DLGAP1: variants seen among roughly 807,000 people sequenced by gnomAD.
DLGAP1 encodes the protein DLG associated protein 1, also known as disks large-associated protein 1.
Under a neutral mutation model 90.8 loss-of-function variants are expected in DLGAP1, and 11 were observed. That is an observed-to-expected ratio of 0.12 (90% CI 0.08 to 0.20). DLGAP1 has a LOEUF of 0.20. Ranked by LOEUF, DLGAP1 falls within the 10% of genes least tolerant of loss-of-function variation. DLGAP1 has a pLI of 1.00. For missense variants in DLGAP1, 1,050 were observed against 1,333.8 expected (o/e 0.79, Z 3.31); for synonymous variants, 558 against 540.7 (o/e 1.03, Z -0.44).
chr18:3,605,043 G>T (rs571882893), intron 7 of DLGAP1, among the ~76,000 whole-genome samples: 1 of 152,164 alleles, frequency 6.6e-6, no homozygotes, highest in African/African-American at 2.4e-5. Context: ...TGTACACTTA[G>T]AGGAAGAGTG....
chr18:3,587,536 A>G (rs1279094129), intron 7 of DLGAP1, among the ~76,000 whole-genome samples: 2 of 152,234 alleles, frequency 1.3e-5, no homozygotes, highest in African/African-American at 4.8e-5. Context: ...ATCAATCAGC[A>G]GGACGTGGGC....
chr18:3,506,711 T>C (rs2050248328), intron 11 of DLGAP1, among the ~76,000 whole-genome samples: 1 of 152,156 alleles, frequency 6.6e-6, no homozygotes, highest in African/African-American at 2.4e-5. Context: ...CGTGTACACA[T>C]GGACTTCCTT....
intron 1 of DLGAP1, among the ~76,000 whole-genome samples, chr18:4,276,411 G>A (rs538838512): frequency 3.9e-5 from 6 of 152,034 alleles, no homozygotes; most frequent in Admixed American, 6.5e-5. Flanking sequence ...TGAGGCAGGC[G>A]GATCACTCGA....
chr18:3,556,983 G>C (rs1004218573), intron 9 of DLGAP1, among the ~76,000 whole-genome samples: 1 of 152,016 alleles, frequency 6.6e-6, no homozygotes, highest in East Asian at 1.9e-4. Flanking sequence ...TTTTTTCAGA[G>C]TCAGGTTTTG....
chr18:3,925,528 T>C (rs1240825214), intron 3 of DLGAP1, among the ~76,000 whole-genome samples: 1 of 152,108 alleles, frequency 6.6e-6, no homozygotes, highest in Non-Finnish European at 1.5e-5. Context: ...CATAACCTCA[T>C]ATTTTCAGGA....
At chr18:3,799,477 T>C (rs888950011) in intron 5 of DLGAP1, among the ~76,000 whole-genome samples, 2 of 149,610 alleles carry the variant, frequency 1.3e-5, no homozygotes, top group African/African-American at 4.9e-5. Context: ...TGTTGTACCA[T>C]GTCACTTAAA....
chr18:3,503,982 G>C (rs910119393), intron 11 of DLGAP1, among the ~76,000 whole-genome samples: 4 of 152,190 alleles, frequency 2.6e-5, no homozygotes, highest in Non-Finnish European at 5.9e-5. Flanking sequence ...TGTAATCCCA[G>C]CTGCTCAGGA....
At chr18:3,703,850 C>T (rs889505783) in intron 7 of DLGAP1, among the ~76,000 whole-genome samples, 5 of 152,128 alleles carry the variant, frequency 3.3e-5, no homozygotes, top group Admixed American at 6.5e-5. Context: ...TTTCCACACA[C>T]GGTTTTTGCG....
intron 7 of DLGAP1, among the ~76,000 whole-genome samples, chr18:3,647,864 A>T (rs2059175437): frequency 6.6e-6 from 1 of 152,208 alleles, no homozygotes; most frequent in African/African-American, 2.4e-5. Flanking sequence ...CCAGATTACA[A>T]CACAGCCAGG....
intron 2 of DLGAP1, among the ~76,000 whole-genome samples, chr18:4,064,600 T>G (rs1227144519): frequency 6.6e-6 from 1 of 151,770 alleles, no homozygotes; most frequent in Non-Finnish European, 1.5e-5. Context: ...CTAGAAGAAA[T>G]GGATAAATTC....
chr18:3,946,614 C>G, intron 3 of DLGAP1, among the ~76,000 whole-genome samples: 1 of 152,042 alleles, frequency 6.6e-6, no homozygotes, highest in South Asian at 2.1e-4. Context: ...ATCAGAGAAA[C>G]AAACAAAAAC....
intron 5 of DLGAP1, among the ~76,000 whole-genome samples, chr18:3,763,611 C>A (rs933852872): frequency 2.0e-5 from 3 of 151,992 alleles, no homozygotes; most frequent in Admixed American, 2.0e-4. Flanking sequence ...GTTAAATCAT[C>A]CCAAATTTTG....
intron 7 of DLGAP1, among the ~76,000 whole-genome samples, chr18:3,639,921 A>C (rs1316446208): frequency 6.8e-6 from 1 of 147,956 alleles, no homozygotes; most frequent in African/African-American, 2.5e-5. Context: ...CACCCGGCTA[A>C]TTTTTTGTAT....
chr18:4,226,352 T>C (rs968061440), intron 1 of DLGAP1, among the ~76,000 whole-genome samples: 1 of 152,102 alleles, frequency 6.6e-6, no homozygotes, highest in African/African-American at 2.4e-5. Context: ...TATCTGAAGG[T>C]ATAAAAATCA....
At chr18:4,275,609 T>C (rs1378106299) in intron 1 of DLGAP1, among the ~76,000 whole-genome samples, 1 of 151,888 alleles carries the variant, frequency 6.6e-6, no homozygotes, top group East Asian at 1.9e-4. Flanking sequence ...GTTTTTTTTT[T>C]TCTCTCGCTA....
chr18:3,860,056 G>A (rs951749065), intron 4 of DLGAP1, among the ~76,000 whole-genome samples: 7 of 148,216 alleles, frequency 4.7e-5, no homozygotes, highest in African/African-American at 7.5e-5. Context: ...CCGAGATTGC[G>A]CCACTGCACT....
At chr18:3,982,722 G>A (rs1164396242) in intron 3 of DLGAP1, among the ~76,000 whole-genome samples, 2 of 152,042 alleles carry the variant, frequency 1.3e-5, no homozygotes, top group African/African-American at 4.8e-5. Context: ...CTCAGTGATG[G>A]CAAGAAGCCC....
rs77678058 is a variant in DLGAP1 at position 4,130,730 on chromosome 18, G to C, written c.-159+20450C>G. Among the ~76,000 whole-genome samples the C allele has an allele frequency of 7.4e-3, 1,129 of 152,148 alleles. 31 individuals are homozygous for C. Among genetic ancestry groups the C allele is most frequent in the East Asian group, 0.058 (302 of 5,168 alleles). On this transcript the variant is annotated intron_variant, in intron 2 of 12. Transcript: ENST00000315677. Reference sequence around the variant, plus strand: ...AGCGGCACATTGCGACTAATGTCAGGGTCATCACAGAGAAAGAGCCGAGGG... The same window carrying C: ...AGCGGCACATTGCGACTAATGTCAGCGTCATCACAGAGAAAGAGCCGAGGG...
intron 4 of DLGAP1, among the ~76,000 whole-genome samples, chr18:3,842,136 G>T (rs1309538467): frequency 6.6e-6 from 1 of 151,680 alleles, no homozygotes; most frequent in East Asian, 1.9e-4. Flanking sequence ...GGGGTGGAGG[G>T]GGTTGTAGGC....
Sources: allele counts gnomAD v4.1 joint callset (sites outside exome capture counted in the v4.1 genomes callset), GRCh38; gene constraint gnomAD v4.1.1; transcripts MANE v1.5; gene names NCBI Gene and HGNC (gene_info 2026-07-23, HGNC 2026-07-21).